Variants in MSH4 observed in about 807,000 individuals in gnomAD.
The protein encoded by MSH4 is mutS homolog 4.
A neutral mutation model predicts 113.7 loss-of-function variants in MSH4; 106 were observed. The ratio of observed to expected loss-of-function variants is 0.93; its 90% confidence interval spans 0.80 to 1.10. The LOEUF is 1.10. Ranked by LOEUF, MSH4 falls within the 50% of genes least tolerant of loss-of-function variation. MSH4 has a pLI of 0.00. For synonymous variants in MSH4, 368 were observed against 380.2 expected, an observed-to-expected ratio of 0.97 and a Z score of 0.37; for missense variants, 1,061 against 1,093.7, an observed-to-expected ratio of 0.97 and a Z score of 0.42.
intron 8 of MSH4, among the ~76,000 whole-genome samples, chr1:75,866,188 T>A (rs1203600449): frequency 6.6e-6 from 1 of 152,178 alleles, no homozygotes; most frequent in Non-Finnish European, 1.5e-5. Context: ...CTGCCCTTTT[T>A]TGAGACAGGG....
intron 7 of MSH4, among the ~76,000 whole-genome samples, chr1:75,831,003 TAA>T (rs1440832459): frequency 6.6e-6 from 1 of 152,130 alleles, no homozygotes; most frequent in African/African-American, 2.4e-5. Context: ...GCAAGTTGGA[TAA>T]AGAGTCAAGA....
chr1:75,844,739 A>G (rs1651039701), intron 7 of MSH4, among the ~76,000 whole-genome samples: 1 of 152,236 alleles, frequency 6.6e-6, no homozygotes, highest in African/African-American at 2.4e-5. Flanking sequence ...ATAAATTGAG[A>G]AGAATAAAAT....
intron 14 of MSH4, among the ~76,000 whole-genome samples, 193 bp from the exon 15 acceptor site, chr1:75,883,428 A>G (rs903806632): frequency 1.3e-5 from 2 of 151,982 alleles, no homozygotes; most frequent in African/African-American, 4.8e-5. Context: ...AAAAGTTGTG[A>G]TAGTGATTAG....
At position 75,910,290 on chromosome 1, in the gene MSH4, A is replaced by G. The variant is rs74549544; in HGVS notation, c.2620-2406A>G. Reference sequence around the variant, plus strand: ...ACTTCTGATCTTCCATGATCTCTCTATGGCACTTGACACTACCCTTGTTTT... The same window carrying G: ...ACTTCTGATCTTCCATGATCTCTCTGTGGCACTTGACACTACCCTTGTTTT... On this transcript the variant is annotated intron_variant, in intron 19 of 19. Transcript: ENST00000263187. Among the ~76,000 whole-genome samples the G allele has an allele frequency of 6.6e-3, 999 of 152,028 alleles. 4 individuals are homozygous for G. Among genetic ancestry groups the G allele is most frequent in the African/African-American group, 0.023 (959 of 41,470 alleles).
Position 75,797,084 on chromosome 1 carries a change from CG to C in MSH4, c.101del (p.Gly34AspfsTer125), listed in dbSNP as rs772086747. 4.3e-6 allele frequency: 7 copies of C among 1,613,930 alleles called. No individual in the cohort carries two copies. The African/African-American group carries it at 9.3e-5, about 22-fold the overall frequency. ...RSPQGPRYNF[G>X]LQETPQSRPS... ...CACCTCAGGGTCCCCGCTACAATTT[CG>C]GACTCCAGGAGACTCCACAGAGCCG... On this transcript the variant is annotated frameshift_variant, in exon 1 of 20. Coordinates refer to ENST00000263187, the MANE Select transcript of MSH4 (RefSeq NM_002440.4). LOFTEE classifies it high-confidence loss of function.
At chr1:75,840,034 G>A (rs1414275002) in intron 7 of MSH4, among the ~76,000 whole-genome samples, 6 of 151,026 alleles carry the variant, frequency 4.0e-5, no homozygotes, top group African/African-American at 7.3e-5. Context: ...TGCTGGAGAG[G>A]ATGTGGAGAA....
chr1:75,810,890 G>C, intron 4 of MSH4, 83 bp downstream of exon 4: 1 of 675,962 alleles, frequency 1.5e-6, no homozygotes, highest in Non-Finnish European at 2.3e-6. Flanking sequence ...TTATTTTTTT[G>C]AGACAGAGTT....
chr1:75,884,580 A>G (rs1402842998), intron 15 of MSH4, among the ~76,000 whole-genome samples: 1 of 151,942 alleles, frequency 6.6e-6, no homozygotes, highest in African/African-American at 2.4e-5. Context: ...GCTGTTAAAC[A>G]TCCTACAATG....
At chr1:75,893,411 G>A (rs553513545) in intron 17 of MSH4, among the ~76,000 whole-genome samples, 51 of 152,284 alleles carry the variant, frequency 3.3e-4, no homozygotes, top group Non-Finnish European at 3.4e-4. Context: ...GGGAAGGAAT[G>A]GGAGACTACC....
intron 3 of MSH4, among the ~76,000 whole-genome samples, chr1:75,808,263 C>A (rs1650112852): frequency 6.6e-6 from 1 of 152,208 alleles, no homozygotes; most frequent in Non-Finnish European, 1.5e-5. Context: ...TAGTGATATG[C>A]ATTTATACAT....
intron 19 of MSH4, among the ~76,000 whole-genome samples, chr1:75,907,600 T>G (rs1186254538): frequency 6.7e-6 from 1 of 149,768 alleles, no homozygotes; most frequent in East Asian, 1.9e-4. Flanking sequence ...TTCTACTCTT[T>G]GCTCTTTCTC....
At chr1:75,859,132 C>A (rs993813915) in intron 8 of MSH4, among the ~76,000 whole-genome samples, 1 of 151,954 alleles carries the variant, frequency 6.6e-6, no homozygotes. Context: ...TTTTTTATTG[C>A]GTCTATTTGA....
chr1:75,843,101 G>A (rs371260119), intron 7 of MSH4, among the ~76,000 whole-genome samples: 4 of 152,108 alleles, frequency 2.6e-5, no homozygotes, highest in Admixed American at 6.5e-5. Flanking sequence ...TCTCTGCCTC[G>A]GCTGCCAGGC....
intron 15 of MSH4, among the ~76,000 whole-genome samples, chr1:75,887,977 T>C (rs905919063): frequency 1.3e-5 from 2 of 151,248 alleles, no homozygotes; most frequent in African/African-American, 2.4e-5. Context: ...ATGGGGGAGA[T>C]ACATCTTTCT....
At chr1:75,814,060 C>T (rs5745366) in intron 4 of MSH4, among the ~76,000 whole-genome samples, 3,850 of 152,062 alleles carry the variant, frequency 0.025, 71 homozygotes, top group Non-Finnish European at 0.036. Flanking sequence ...TTCTTAACAG[C>T]GCTTACATAG....
At chr1:75,890,455 A>G (rs1652226388) in intron 16 of MSH4, among the ~76,000 whole-genome samples, 1 of 151,980 alleles carries the variant, frequency 6.6e-6, no homozygotes, top group African/African-American at 2.4e-5. Context: ...GATAATGGTT[A>G]TTTACTCTGT....
At chr1:75,909,971 C>A (rs770677707) in intron 19 of MSH4, among the ~76,000 whole-genome samples, 1 of 152,086 alleles carries the variant, frequency 6.6e-6, no homozygotes, top group South Asian at 2.1e-4. Context: ...AAAAAAATCT[C>A]CACTAAGTTA....
rs905930027 is a variant in MSH4, at chr1:75,803,623, A to G, written c.245-108A>G. The G allele has an allele frequency of 1.3e-4, 111 of 858,998 alleles. 1 individual carries two copies. Among genetic ancestry groups the G allele is most frequent in the Non-Finnish European group, 1.7e-4 (104 of 606,684 alleles). 53.2% of individuals were successfully genotyped at this position (858,998 alleles called of 1,614,324 possible). On this transcript the variant is annotated intron_variant, in intron 1 of 19. Coordinates refer to ENST00000263187, the MANE Select transcript of MSH4 (RefSeq NM_002440.4). ...CAAGAGCAAGACTCTGTCTCAAAAA[A>G]GAAAAAAAGAAAAAAAAGGAAAGTG...
intron 14 of MSH4, among the ~76,000 whole-genome samples, chr1:75,883,140 G>A (rs1323021004): frequency 6.6e-6 from 1 of 151,282 alleles, no homozygotes; most frequent in East Asian, 1.9e-4. Flanking sequence ...AAGTAGCTGG[G>A]ACTACAGGCA....
Sources: gnomAD v4.1 joint callset for allele counts (sites outside exome capture counted in the v4.1 genomes callset) on GRCh38, gnomAD v4.1.1 for gene constraint, MANE v1.5 for transcripts, NCBI Gene and HGNC (gene_info 2026-07-23, HGNC 2026-07-21) for gene names.